The following RSRC1 variants were observed in gnomAD, a reference collection of about 807,000 sequenced individuals.
RSRC1 encodes serine/Arginine-related protein 53.
In RSRC1, 39 loss-of-function variants were observed where a neutral mutation model predicts 49.1. The ratio of observed to expected loss-of-function variants is 0.79; its 90% CI spans 0.61 to 1.04. RSRC1 has a LOEUF of 1.04. Ranked by LOEUF, RSRC1 falls within the 50% of genes least tolerant of loss-of-function variation. RSRC1 has a pLI of 0.00. For synonymous variants in RSRC1, 143 were observed against 130.8 expected (o/e 1.09, Z -0.63); for missense variants, 388 against 402.4 (o/e 0.96, Z 0.31).
chr3:158,212,113 G>A (rs902098326), intron 4 of RSRC1, among the ~76,000 whole-genome samples: 1 of 151,682 alleles, frequency 6.6e-6, no homozygotes. Flanking sequence ...GTAATGTTAC[G>A]ATTACAAATT....
chr3:158,387,644 A>G (rs1346459090), intron 6 of RSRC1, among the ~76,000 whole-genome samples: 1 of 152,178 alleles, frequency 6.6e-6, no homozygotes. Flanking sequence ...TAAAGGGGAA[A>G]AACTGTAAAT....
At chr3:158,312,927 G>A (rs749650576) in intron 5 of RSRC1, among the ~76,000 whole-genome samples, 1 of 152,056 alleles carries the variant, frequency 6.6e-6, no homozygotes, top group African/African-American at 2.4e-5. Flanking sequence ...TTAAAAGATA[G>A]CATACCTTCT....
At chr3:158,178,363 C>G (rs1361671052) in intron 3 of RSRC1, among the ~76,000 whole-genome samples, 1 of 152,098 alleles carries the variant, frequency 6.6e-6, no homozygotes, top group Non-Finnish European at 1.5e-5. Flanking sequence ...TGGTCTCAAT[C>G]TCTGGCCTCA....
chr3:158,146,908 C>G (rs1559918386), intron 3 of RSRC1, among the ~76,000 whole-genome samples: 1 of 151,938 alleles, frequency 6.6e-6, no homozygotes, highest in Non-Finnish European at 1.5e-5. Flanking sequence ...ATATTTCTAG[C>G]TAAGATTGGC....
intron 6 of RSRC1, among the ~76,000 whole-genome samples, chr3:158,385,879 C>G (rs1293695624): frequency 6.6e-6 from 1 of 152,050 alleles, no homozygotes; most frequent in Non-Finnish European, 1.5e-5. Flanking sequence ...ATGATTGACC[C>G]TTCTAACTCA....
At chr3:158,286,841 C>T (rs1475754937) in intron 4 of RSRC1, among the ~76,000 whole-genome samples, 1 of 152,112 alleles carries the variant, frequency 6.6e-6, no homozygotes, top group Non-Finnish European at 1.5e-5. Context: ...GAAAGATATA[C>T]ACATGTTGCA....
rs117716350 is a variant in RSRC1, at chr3:158,466,757, G to A, written c.652+5754G>A. On this transcript the variant is annotated intron_variant, in intron 7 of 9. Coordinates refer to ENST00000611884, the MANE Select transcript of RSRC1 (RefSeq NM_001271838.2). ...TGGAATCATTATAATATGAAATGGC[G>A]ATAGTATTTTAAAAGCACTTCAGGC... 4.8e-4 allele frequency among the ~76,000 whole-genome samples: 73 copies of A among 152,202 alleles called. No homozygotes were observed. The East Asian group carries it at 0.012, about 26-fold the overall frequency.
intron 6 of RSRC1, among the ~76,000 whole-genome samples, chr3:158,378,324 A>T (rs761624542): frequency 3.3e-5 from 5 of 152,198 alleles, no homozygotes; most frequent in Non-Finnish European, 7.3e-5. Flanking sequence ...TAATTTCAAC[A>T]TCTGAGTTCT....
Position 158,118,474 on chromosome 3 carries a change from T to C in RSRC1, c.-2-3629T>C, listed in dbSNP as rs970711345. 8.8e-3 allele frequency among the ~76,000 whole-genome samples: 872 copies of C among 98,690 alleles called. 6 individuals carry two copies. Among genetic ancestry groups the C allele is most frequent in the African/African-American group, 0.023 (617 of 27,298 alleles). 64.7% of individuals were successfully genotyped at this position (98,690 alleles called of 152,430 possible). On this transcript the variant is annotated intron_variant, in intron 1 of 9. Coordinates refer to ENST00000611884, the MANE Select transcript of RSRC1 (RefSeq NM_001271838.2). ...GTGTGTGTGTGTGTGCGCGTGCGCG[T>C]GGTTTTTTTAAATTGTCCTTTGTTA...
intron 1 of RSRC1, among the ~76,000 whole-genome samples, chr3:158,120,930 A>G (rs1257417272): frequency 6.6e-6 from 1 of 151,446 alleles, no homozygotes; most frequent in Non-Finnish European, 1.5e-5. Flanking sequence ...TCTAAATTAA[A>G]GTAAGACAAC....
At chr3:158,527,822 A>G (rs1233530566) in intron 7 of RSRC1, among the ~76,000 whole-genome samples, 1 of 152,000 alleles carries the variant, frequency 6.6e-6, no homozygotes, top group Non-Finnish European at 1.5e-5. Flanking sequence ...CACAATTAAT[A>G]TTCCTCTTTT....
intron 3 of RSRC1, among the ~76,000 whole-genome samples, chr3:158,182,616 C>T (rs1344946210): frequency 2.6e-5 from 4 of 152,148 alleles, no homozygotes; most frequent in Non-Finnish European, 5.9e-5. Context: ...CCAAATGTTA[C>T]TGGAAAATAC....
chr3:158,161,825 A>G (rs1170119497), intron 3 of RSRC1, among the ~76,000 whole-genome samples: 3 of 152,146 alleles, frequency 2.0e-5, no homozygotes, highest in Non-Finnish European at 1.5e-5. Context: ...TGCCTGAAAG[A>G]TGATTAATTC....
intron 3 of RSRC1, among the ~76,000 whole-genome samples, chr3:158,137,114 C>T (rs550079407): frequency 1.3e-4 from 20 of 152,282 alleles, no homozygotes; most frequent in African/African-American, 4.3e-4. Flanking sequence ...ATTTCCTCAA[C>T]TGGAATGAGC....
chr3:158,282,207 A>G (rs1726221312), intron 4 of RSRC1, among the ~76,000 whole-genome samples: 1 of 152,250 alleles, frequency 6.6e-6, no homozygotes, highest in African/African-American at 2.4e-5. Flanking sequence ...TAAAATAATT[A>G]CTGACAATCA....
At chr3:158,276,438 G>A in intron 4 of RSRC1, 1 of 703,166 alleles carries the variant, frequency 1.4e-6, no homozygotes, top group Non-Finnish European at 2.6e-6. Context: ...TTACTTGATG[G>A]CTGCCGCCAG....
intron 5 of RSRC1, among the ~76,000 whole-genome samples, chr3:158,308,342 A>G (rs1488048326): frequency 6.6e-6 from 1 of 151,960 alleles, no homozygotes; most frequent in Non-Finnish European, 1.5e-5. Context: ...GCAGCATGAA[A>G]CTACAGGTTA....
chr3:158,169,158 A>T (rs1718713437), intron 3 of RSRC1, among the ~76,000 whole-genome samples: 2 of 152,264 alleles, frequency 1.3e-5, no homozygotes, highest in South Asian at 4.1e-4. Flanking sequence ...TTCTTTCAGT[A>T]AGAGACCACC....
chr3:158,121,835 G>A (rs1034372869), intron 1 of RSRC1, among the ~76,000 whole-genome samples: 34 of 152,162 alleles, frequency 2.2e-4, no homozygotes, highest in Admixed American at 6.6e-4. Context: ...ATTTTACAAA[G>A]TTTTATAAAA....
Sources: allele counts gnomAD v4.1 joint callset (sites outside exome capture counted in the v4.1 genomes callset), GRCh38; gene constraint gnomAD v4.1.1; transcripts MANE v1.5; gene names NCBI Gene and HGNC (gene_info 2026-07-23, HGNC 2026-07-21).